KRT78: variants seen among roughly 807,000 people sequenced by gnomAD.
The protein encoded by KRT78 is keratin 78.
In KRT78, 55 loss-of-function variants were observed where a neutral mutation model predicts 51.4. The observed-to-expected ratio is 1.07, with a 90% CI of 0.86 to 1.34. KRT78 has a LOEUF of 1.34. Ranked by LOEUF, KRT78 falls within the 40% of genes most tolerant of loss-of-function variation. The pLI is 0.00. For missense variants in KRT78, 652 were observed against 649.4 expected (o/e 1.00, Z -0.04); for synonymous variants, 291 against 264.3 (o/e 1.10, Z -0.98).
chr12:52,847,871 C>T (rs543804813), intron 2 of KRT78, 36 bp downstream of exon 2: 6 of 1,589,276 alleles, frequency 3.8e-6, no homozygotes, highest in East Asian at 2.2e-5. Context: ...TCCCAGACCC[C>T]GCCCACATGG....
chr12:52,838,761 G>A lies in KRT78; in HGVS notation c.*352C>T. 1 of 300,834 alleles carries A rather than the reference G, an allele frequency of 3.3e-6. No individual in the cohort carries two copies. The highest frequency in any genetic ancestry group is 6.2e-6 in the Non-Finnish European group (1 of 160,778). The allele number at this position is 300,834 out of a possible 1,614,324, so 18.6% of individuals were successfully genotyped here. On this transcript the variant is annotated 3_prime_UTR_variant, in exon 9 of 9. Transcript: ENST00000304620. Reference sequence around the variant, plus strand: ...GCACAGCTAAAACATCAGTGGAGTTGTGGGAGATGGAGGGCACCCCAAGGA... The same window carrying A: ...GCACAGCTAAAACATCAGTGGAGTTATGGGAGATGGAGGGCACCCCAAGGA...
At chr12:52,840,821 G>A (rs928394221) in intron 6 of KRT78, among the ~76,000 whole-genome samples, 11 of 152,146 alleles carry the variant, frequency 7.2e-5, no homozygotes, top group African/African-American at 2.2e-4. Context: ...GAGGACTCTC[G>A]CTGCACCTTC....
chr12:52,840,213 C>T (rs990247875), intron 6 of KRT78, among the ~76,000 whole-genome samples: 3 of 152,042 alleles, frequency 2.0e-5, no homozygotes, highest in Non-Finnish European at 4.4e-5. Flanking sequence ...TGAAGAGTAT[C>T]CCCCAAAACT....
chr12:52,848,288 C>T lies in KRT78; in HGVS notation c.385-167G>A, dbSNP rs1235022521. On this transcript the variant is annotated intron_variant, in intron 1 of 8. Transcript: ENST00000304620. ...ACCTTCCATGACACTCTGAACACAA[C>T]AAAATGACTGGACTGACTAATGGGG... The T allele has an allele frequency of 3.9e-6, 6 of 1,537,554 alleles. No individual in the cohort carries two copies. In the African/African-American group the frequency reaches 6.9e-5, roughly 18 times the overall value.
At chr12:52,846,635 G>T (rs944594413) in intron 3 of KRT78, 129 bp downstream of exon 3, 18 of 855,084 alleles carry the variant, frequency 2.1e-5, no homozygotes, top group Non-Finnish European at 3.0e-5. Context: ...TTTCCCAGGG[G>T]ACCCCTGCAG....
At chr12:52,846,137 G>A in intron 4 of KRT78, 60 bp downstream of exon 4, 3 of 1,216,534 alleles carry the variant, frequency 2.5e-6, no homozygotes, top group Non-Finnish European at 3.6e-6. Context: ...CATGGCCACA[G>A]GAAGCCTGCC....
chr12:52,844,819 T>C, intron 4 of KRT78, 96 bp from the exon 5 acceptor site: 1 of 1,203,900 alleles, frequency 8.3e-7, no homozygotes, highest in Non-Finnish European at 1.2e-6. Context: ...TCTGCTTACA[T>C]GCCATGACCC....
At chr12:52,843,004 A>AGGGAG (rs1940544466) in intron 6 of KRT78, among the ~76,000 whole-genome samples, 1 of 68,864 alleles carries the variant, frequency 1.5e-5, no homozygotes, top group African/African-American at 6.1e-5. Context: ...GAAGGAAGGA[A>AGGGAG]GGAAGGAGGG....
At position 52,839,945 on chromosome 12, in the gene KRT78, G is replaced by A. The variant is rs375168503; in HGVS notation, c.1087C>T (p.Arg363Cys). ...GCGTCCTTGAGGGCCAGCTCCCCACGCTGCTCAGCATCAGTGATGGCGGCC... is the reference window on the plus strand; with the variant it reads ...GCGTCCTTGAGGGCCAGCTCCCCACACTGCTCAGCATCAGTGATGGCGGCC... The part of the protein sequence containing the change: ...LQAAITDAEQ[R>C]GELALKDAQA... Residue 363 changes from arginine (R) to cysteine (C), a missense_variant, in exon 7 of 9, where the codon CGT becomes TGT. Arg to Cys is a radical substitution (Grantham distance 180). Transcript: ENST00000304620. The A allele has an allele frequency of 5.6e-6, 9 of 1,613,848 alleles. No homozygotes were observed. Among genetic ancestry groups the A allele is most frequent in the East Asian group, 2.2e-5 (1 of 44,870 alleles).
At position 52,839,026 on chromosome 12, in the gene KRT78, G is replaced by A. The variant is rs530554454; in HGVS notation, c.*87C>T. 1.1e-4 allele frequency: 169 copies of A among 1,480,186 alleles called. No individual in the cohort carries two copies. In the East Asian group the frequency reaches 3.3e-3, roughly 29 times the overall value. 91.7% of individuals were successfully genotyped at this position (1,480,186 alleles called of 1,614,324 possible). A position where few individuals can be genotyped will look rare whatever the true frequency, so the allele number is the denominator to read the frequency against. ...CGCTGTGGGCTGGCTTGGGCTGTGG[G>A]CAGCGGACACGGAGTTGGCCTTGCA... On this transcript the variant is annotated 3_prime_UTR_variant, in exon 9 of 9. Coordinates refer to ENST00000304620, the MANE Select transcript of KRT78 (RefSeq NM_173352.4).
rs551630034 is a variant in KRT78 at position 52,840,580 on chromosome 12, A to C, written c.1048-596T>G. 8.5e-5 allele frequency among the ~76,000 whole-genome samples: 13 copies of C among 152,244 alleles called. No homozygotes were observed. In the South Asian group the frequency reaches 2.5e-3, roughly 29 times the overall value. On this transcript the variant is annotated intron_variant, in intron 6 of 8. Coordinates refer to ENST00000304620, the MANE Select transcript of KRT78 (RefSeq NM_173352.4). ...AAATTAGCTGACCATAGTGGCACGC[A>C]CCTGTAGTCCCAGCTACTCGGGAGG...
chr12:52,846,727 C>A, intron 3 of KRT78, 37 bp downstream of exon 3: 1 of 1,589,810 alleles, frequency 6.3e-7, no homozygotes. Context: ...ACAGTGGATG[C>A]TCAGAACGTA....
At chr12:52,845,605 C>T (rs1940621174) in intron 4 of KRT78, among the ~76,000 whole-genome samples, 1 of 152,190 alleles carries the variant, frequency 6.6e-6, no homozygotes, top group Non-Finnish European at 1.5e-5. Flanking sequence ...CACCTTCTTC[C>T]ATACTATATG....
chr12:52,848,940 A>AGACAGTCAC lies in KRT78; in HGVS notation c.-19_-11dup, dbSNP rs1474262875. ...ATGGGGAGAGAGACATGGCAGAGAC[A>AGACAGTCAC]GACAGTCACGCAGCTGCAGACGGAC... On this transcript the variant is annotated 5_prime_UTR_variant, in exon 1 of 9. Transcript: ENST00000304620. 1 of 1,535,234 alleles carries AGACAGTCAC rather than the reference A, an allele frequency of 6.5e-7. No individual in the cohort carries two copies. Among genetic ancestry groups the AGACAGTCAC allele is most frequent in the South Asian group, 1.3e-5 (1 of 79,576 alleles).
Position 52,848,650 on chromosome 12 carries a change from G to A in KRT78, c.281C>T (p.Thr94Ile). Residue 94 changes from threonine to isoleucine, a missense_variant, in exon 1 of 9, where the codon ACC becomes ATC. Coordinates refer to ENST00000304620, the MANE Select transcript of KRT78 (RefSeq NM_173352.4). ...GGGATCGATCTCAATCTTCAGTGGG[G>A]TCAGCAGATTCTGGTTGATGGTCAC... ...QEVTINQNLL[T>I]PLKIEIDPQF... 1 of 1,614,004 alleles carries A rather than the reference G, an allele frequency of 6.2e-7. No individual in the cohort carries two copies. The highest frequency in any genetic ancestry group is 8.5e-7 in the Non-Finnish European group (1 of 1,179,956).
intron 4 of KRT78, among the ~76,000 whole-genome samples, chr12:52,845,530 C>T (rs1307417408): frequency 6.6e-6 from 1 of 152,222 alleles, no homozygotes; most frequent in African/African-American, 2.4e-5. Context: ...TTGAAGTTGG[C>T]ACCTGCTCCA....
At chr12:52,847,148 AC>A (rs1940662133) in intron 2 of KRT78, among the ~76,000 whole-genome samples, 1 of 152,108 alleles carries the variant, frequency 6.6e-6, no homozygotes, top group African/African-American at 2.4e-5. Context: ...TTTGACCAAG[AC>A]CCCACAGATG....
At position 52,848,121 on chromosome 12, in the gene KRT78, C is replaced by A. The variant is rs769422586; in HGVS notation, c.385G>T (p.Val129Leu). The change falls in exon 2 of 9, where the codon GTG (valine) becomes TTG (leucine). Residue 129 changes from valine to leucine, a missense_variant and splice_region_variant. Coordinates refer to ENST00000304620, the MANE Select transcript of KRT78 (RefSeq NM_173352.4). ...NNQFASFIDKVRFLEQQNKVL... is the reference protein window; with the variant it reads ...NNQFASFIDKLRFLEQQNKVL... ...TTGTTCTGCTGCTCCAGGAACCGCA[C>A]CTGCAGCAAAAGCAGAGGATCCCTG... The A allele has an allele frequency of 2.5e-6, 4 of 1,613,922 alleles. No homozygotes were observed. Among genetic ancestry groups the A allele is most frequent in the South Asian group, 1.1e-5 (1 of 91,036 alleles).
At chr12:52,845,067 G>A (rs1940609768) in intron 4 of KRT78, among the ~76,000 whole-genome samples, 2 of 150,626 alleles carry the variant, frequency 1.3e-5, no homozygotes, top group African/African-American at 4.9e-5. Flanking sequence ...CCAGGCTGGA[G>A]TGCAGTGGTG....
Sources: gnomAD v4.1 joint callset for allele counts (sites outside exome capture counted in the v4.1 genomes callset) on GRCh38, gnomAD v4.1.1 for gene constraint, MANE v1.5 for transcripts, NCBI Gene and HGNC (gene_info 2026-07-23, HGNC 2026-07-21) for gene names.